The following KIF18A variants were observed in gnomAD, a reference collection of about 807,000 sequenced individuals.
The protein encoded by KIF18A is kinesin family member 18A.
In KIF18A, 67 loss-of-function variants were observed where a neutral mutation model predicts 103.3. The observed-to-expected ratio is 0.65, with a 90% CI of 0.53 to 0.79. The LOEUF (loss-of-function observed/expected upper bound fraction) is 0.79, where lower values mean the gene tolerates loss of function less well. KIF18A is among the 30% of genes least tolerant of loss of function. The pLI, the probability that KIF18A is intolerant of heterozygous loss-of-function variation, is 0.00. For synonymous variants in KIF18A, 367 were observed against 355.5 expected, an observed-to-expected ratio of 1.03 and a Z score of -0.36; for missense variants, 1,032 against 1,062.5, an observed-to-expected ratio of 0.97 and a Z score of 0.40.
intron 15 of KIF18A, among the ~76,000 whole-genome samples, chr11:28,030,513 C>T (rs1222026103): frequency 3.3e-5 from 5 of 152,066 alleles, no homozygotes; most frequent in Admixed American, 1.3e-4. Context: ...TTCCTTACAC[C>T]TTATACAAAA....
At chr11:28,058,164 G>T (rs577926589) in intron 13 of KIF18A, among the ~76,000 whole-genome samples, 1 of 152,062 alleles carries the variant, frequency 6.6e-6, no homozygotes, top group East Asian at 1.9e-4. Context: ...CAATTAAAAT[G>T]TCTCACACAT....
Position 28,021,099 on chromosome 11 carries a change from T to C in KIF18A, c.*101A>G, listed in dbSNP as rs1215907725. 4.4e-6 allele frequency: 5 copies of C among 1,132,420 alleles called. No individual in the cohort carries two copies. In the Admixed American group the frequency reaches 1.8e-4, roughly 40 times the overall value. The allele number at this position is 1,132,420 out of a possible 1,614,324, so 70.1% of individuals were successfully genotyped here. On this transcript the variant is annotated 3_prime_UTR_variant, in exon 17 of 17. Coordinates refer to ENST00000263181, the MANE Select transcript of KIF18A (RefSeq NM_031217.4). Reference sequence around the variant, plus strand: ...TACTTGGGTAAACTTAGCTTTAAGATGGGTCTTCTTTCAAAGATTTTAAAT... The same window carrying C: ...TACTTGGGTAAACTTAGCTTTAAGACGGGTCTTCTTTCAAAGATTTTAAAT...
chr11:28,083,160 C>G lies in KIF18A; in HGVS notation c.1149+9G>C, dbSNP rs113774173. On this transcript the variant is annotated intron_variant, in intron 8 of 16. Transcript: ENST00000263181. ...CGCAAGACTAGCATAAAAATATAAA[C>G]AGACATACCTCTGCCTTCTGCTCAT... is the stretch of plus-strand genomic sequence containing the variant. 1.3e-4 allele frequency: 208 copies of G among 1,574,086 alleles called. 3 individuals are homozygous for G. In the African/African-American group the frequency reaches 2.4e-3, roughly 18 times the overall value.
At chr11:28,066,667 G>A (rs1196258118) in intron 11 of KIF18A, among the ~76,000 whole-genome samples, 1 of 151,448 alleles carries the variant, frequency 6.6e-6, no homozygotes, top group East Asian at 1.9e-4. Flanking sequence ...ATGCAAAATT[G>A]TATAAATTTG....
chr11:28,042,861 G>A (rs905262542), intron 13 of KIF18A, among the ~76,000 whole-genome samples: 1 of 151,814 alleles, frequency 6.6e-6, no homozygotes, highest in African/African-American at 2.4e-5. Context: ...ATTATCATCT[G>A]AGTGCCAGAA....
chr11:28,049,517 C>G (rs531713927), intron 13 of KIF18A, among the ~76,000 whole-genome samples: 1 of 152,062 alleles, frequency 6.6e-6, no homozygotes, highest in Non-Finnish European at 1.5e-5. Flanking sequence ...CGGTATTTAG[C>G]AAACATGAGT....
At chr11:28,050,157 C>T (rs1278467968) in intron 13 of KIF18A, among the ~76,000 whole-genome samples, 1 of 151,762 alleles carries the variant, frequency 6.6e-6, no homozygotes, top group Non-Finnish European at 1.5e-5. Flanking sequence ...TCATGTTTCT[C>T]TCTCAGTTTC....
intron 6 of KIF18A, among the ~76,000 whole-genome samples, chr11:28,086,665 A>G (rs1040942327): frequency 6.6e-6 from 1 of 152,188 alleles, no homozygotes; most frequent in African/African-American, 2.4e-5. Context: ...AGTTCCCCCA[A>G]TTCTCAGTAG....
rs1266371772 is a variant in KIF18A at position 28,069,171 on chromosome 11, T to C, written c.1590+88A>G. ...TTATGAGGCAATAATAGTTGTCTTA[T>C]GAAAGACATTTACTCAATAAGAAAA... On this transcript the variant is annotated intron_variant, in intron 11 of 16. Coordinates refer to ENST00000263181, the MANE Select transcript of KIF18A (RefSeq NM_031217.4). 4 of 992,316 alleles carry C rather than the reference T, an allele frequency of 4.0e-6. No individual in the cohort carries two copies. The African/African-American group carries it at 6.5e-5, about 16-fold the overall frequency. The allele number at this position is 992,316 out of a possible 1,614,324, so 61.5% of individuals were successfully genotyped here.
At chr11:28,094,155 G>T (rs1264724026) in intron 3 of KIF18A, among the ~76,000 whole-genome samples, 1 of 152,066 alleles carries the variant, frequency 6.6e-6, no homozygotes, top group Non-Finnish European at 1.5e-5. Context: ...AGATTAAGGA[G>T]ACTAAGATAT....
intron 15 of KIF18A, among the ~76,000 whole-genome samples, chr11:28,027,327 T>C (rs1850333814): frequency 2.0e-5 from 3 of 151,916 alleles, no homozygotes; most frequent in South Asian, 4.1e-4. Flanking sequence ...TATAACTCAA[T>C]ATATTTAAGA....
intron 11 of KIF18A, among the ~76,000 whole-genome samples, chr11:28,066,334 C>T (rs1164450885): frequency 6.6e-6 from 1 of 151,916 alleles, no homozygotes; most frequent in East Asian, 1.9e-4. Context: ...GGTTATCCAG[C>T]TGTTTTCTTT....
chr11:28,102,082 G>A (rs989686003), intron 1 of KIF18A, among the ~76,000 whole-genome samples: 1 of 152,048 alleles, frequency 6.6e-6, no homozygotes, highest in African/African-American at 2.4e-5. Flanking sequence ...GTTTCTTGTT[G>A]GAAAAGTCCA....
At chr11:28,048,207 T>C (rs1006258468) in intron 13 of KIF18A, among the ~76,000 whole-genome samples, 10 of 152,128 alleles carry the variant, frequency 6.6e-5, no homozygotes, top group African/African-American at 2.4e-4. Flanking sequence ...AATCTGACAA[T>C]GCATATCTAA....
chr11:28,062,462 T>C lies in KIF18A; in HGVS notation c.1645A>G (p.Lys549Glu). The C allele has an allele frequency of 1.2e-6, 2 of 1,611,946 alleles. No individual in the cohort carries two copies. Among genetic ancestry groups the C allele is most frequent in the Non-Finnish European group, 1.7e-6 (2 of 1,178,660 alleles). ...HHLHLQNKDL[K>E]AQIRHMMDLA... ...TCCATCATATGTCTAATTTGTGCTT[T>C]CAAATCTTTGTTCTGGAGGTGCAAA... Residue 549 changes from lysine (K) to glutamate (E), a missense_variant, in exon 12 of 17, where the codon AAA (lysine) becomes GAA (glutamate). Transcript: ENST00000263181.
intron 10 of KIF18A, among the ~76,000 whole-genome samples, chr11:28,073,773 T>C (rs1419236279): frequency 6.6e-6 from 1 of 152,194 alleles, no homozygotes; most frequent in Admixed American, 6.6e-5. Flanking sequence ...CCAACTAGTA[T>C]GTAAATAATT....
At chr11:28,079,014 A>G (rs1026672373) in intron 9 of KIF18A, among the ~76,000 whole-genome samples, 1 of 152,084 alleles carries the variant, frequency 6.6e-6, no homozygotes, top group Admixed American at 6.6e-5. Context: ...TACTTAACAT[A>G]TTGCCAGAAT....
chr11:28,060,238 C>T (rs887652724), intron 12 of KIF18A, among the ~76,000 whole-genome samples: 1 of 152,122 alleles, frequency 6.6e-6, no homozygotes. Flanking sequence ...CATGAATGAT[C>T]TTGAAATGAT....
At chr11:28,093,330 A>C (rs1391149803) in intron 3 of KIF18A, among the ~76,000 whole-genome samples, 4 of 152,304 alleles carry the variant, frequency 2.6e-5, no homozygotes, top group Admixed American at 6.5e-5. Flanking sequence ...CTAATGAAGA[A>C]ATTTTTAGCA....
Sources: allele counts gnomAD v4.1 joint callset (sites outside exome capture counted in the v4.1 genomes callset), GRCh38; gene constraint gnomAD v4.1.1; transcripts MANE v1.5; gene names NCBI Gene and HGNC (gene_info 2026-07-23, HGNC 2026-07-21).